VAV3: variants seen among roughly 807,000 people sequenced by gnomAD.
The protein encoded by VAV3 is guanine nucleotide exchange factor VAV3.
Under a neutral mutation model 131.2 loss-of-function variants are expected in VAV3, and 94 were observed. That is an observed-to-expected ratio of 0.72 (90% confidence interval 0.61 to 0.85). The LOEUF is 0.85. Ranked by LOEUF, VAV3 falls within the 40% of genes least tolerant of loss-of-function variation. The probability of loss-of-function intolerance (pLI) is 0.00; values close to 1 mark genes in which losing one functional copy is unlikely to be tolerated. For synonymous variants in VAV3, 349 were observed against 342.0 expected (o/e 1.02, Z -0.22); for missense variants, 939 against 1,002.7 (o/e 0.94, Z 0.86).
chr1:107,714,844 C>T (rs1490265483), intron 15 of VAV3, among the ~76,000 whole-genome samples: 1 of 152,102 alleles, frequency 6.6e-6, no homozygotes, highest in Non-Finnish European at 1.5e-5. Flanking sequence ...AAAATCAGAT[C>T]ATGCTTAGCT....
intron 1 of VAV3, among the ~76,000 whole-genome samples, chr1:107,946,719 A>G (rs1674279259): frequency 6.6e-6 from 1 of 152,252 alleles, no homozygotes; most frequent in Non-Finnish European, 1.5e-5. Context: ...TTTCACAACT[A>G]CATGCTATTC....
chr1:107,731,424 T>C (rs142287137), intron 15 of VAV3, among the ~76,000 whole-genome samples: 134 of 152,312 alleles, frequency 8.8e-4, no homozygotes, highest in African/African-American at 3.2e-3. Flanking sequence ...CATTTATTCA[T>C]AAAACAATAT....
chr1:107,826,322 T>G (rs1330923130), intron 2 of VAV3, among the ~76,000 whole-genome samples: 1 of 152,236 alleles, frequency 6.6e-6, no homozygotes, highest in South Asian at 2.1e-4. Flanking sequence ...TTGAAAATTC[T>G]TATTTAACTG....
intron 25 of VAV3, among the ~76,000 whole-genome samples, chr1:107,592,663 C>G (rs746436359): frequency 3.9e-5 from 6 of 151,992 alleles, no homozygotes; most frequent in Admixed American, 6.6e-5. Context: ...AGGAAAAAAC[C>G]TAAGATGCTA....
chr1:107,962,322 G>GTAGT (rs10628225), intron 1 of VAV3, among the ~76,000 whole-genome samples: 9,720 of 152,206 alleles, frequency 0.064, 447 homozygotes, highest in African/African-American at 0.13. Flanking sequence ...AAAGAGATGA[G>GTAGT]TAGTTAGCGG....
chr1:107,883,091 T>C (rs1223441504), intron 1 of VAV3, among the ~76,000 whole-genome samples: 2 of 152,202 alleles, frequency 1.3e-5, no homozygotes, highest in African/African-American at 4.8e-5. Context: ...ATTTTTTAAG[T>C]CATTCGTTCA....
chr1:107,699,907 C>T (rs1000365388), intron 17 of VAV3, among the ~76,000 whole-genome samples: 9 of 152,068 alleles, frequency 5.9e-5, no homozygotes, highest in Admixed American at 3.9e-4. Flanking sequence ...CATATAAGGG[C>T]GATTCCGGCT....
At chr1:107,858,198 T>G (rs1441061844) in intron 2 of VAV3, among the ~76,000 whole-genome samples, 2 of 152,122 alleles carry the variant, frequency 1.3e-5, no homozygotes, top group African/African-American at 2.4e-5. Flanking sequence ...ACAAGAAAAT[T>G]TCCTTGCTTT....
chr1:107,790,876 C>T (rs377708717), intron 2 of VAV3, among the ~76,000 whole-genome samples: 10 of 151,604 alleles, frequency 6.6e-5, no homozygotes, highest in South Asian at 2.1e-4. Context: ...TTACTAGAGA[C>T]GGGGTTTCAC....
At chr1:107,595,176 T>C (rs937568750) in intron 25 of VAV3, among the ~76,000 whole-genome samples, 4 of 152,156 alleles carry the variant, frequency 2.6e-5, no homozygotes, top group Non-Finnish European at 5.9e-5. Context: ...TCTACTTTCA[T>C]TGCACGAGCT....
chr1:107,598,844 A>T (rs1408306997), intron 24 of VAV3, among the ~76,000 whole-genome samples: 2 of 152,148 alleles, frequency 1.3e-5, no homozygotes, highest in Non-Finnish European at 1.5e-5. Flanking sequence ...TGTCACTGAT[A>T]CAAACGATAC....
chr1:107,886,475 T>C (rs1049051289), intron 1 of VAV3, among the ~76,000 whole-genome samples: 2 of 152,206 alleles, frequency 1.3e-5, no homozygotes, highest in Non-Finnish European at 2.9e-5. Flanking sequence ...TTGTGTTCCA[T>C]TCTAAGGAAT....
intron 1 of VAV3, among the ~76,000 whole-genome samples, chr1:107,957,548 T>C (rs1674877450): frequency 6.6e-6 from 1 of 152,084 alleles, no homozygotes; most frequent in African/African-American, 2.4e-5. Context: ...CATGAGATGC[T>C]ACAGGGAAGC....
intron 21 of VAV3, among the ~76,000 whole-genome samples, chr1:107,611,523 CTT>C (rs1177830914): frequency 6.6e-6 from 1 of 151,140 alleles, no homozygotes; most frequent in Non-Finnish European, 1.5e-5. Flanking sequence ...AATATTTCCT[CTT>C]TCCCTCTCCC....
intron 2 of VAV3, among the ~76,000 whole-genome samples, chr1:107,789,065 G>T (rs2102264897): frequency 6.6e-6 from 1 of 152,308 alleles, no homozygotes; most frequent in African/African-American, 2.4e-5. Flanking sequence ...AACTCCCTTT[G>T]AATGGACATG....
intron 15 of VAV3, among the ~76,000 whole-genome samples, chr1:107,714,526 T>C (rs892299566): frequency 2.0e-5 from 3 of 152,116 alleles, no homozygotes; most frequent in African/African-American, 2.4e-5. Context: ...CAGGATAAAA[T>C]CCAAGTATTT....
intron 2 of VAV3, among the ~76,000 whole-genome samples, chr1:107,801,309 C>A (rs1354086736): frequency 6.6e-6 from 1 of 152,030 alleles, no homozygotes; most frequent in East Asian, 1.9e-4. Context: ...TTTGGGGTTC[C>A]AGATAAAATT....
intron 15 of VAV3, among the ~76,000 whole-genome samples, chr1:107,744,440 C>T (rs999854705): frequency 9.2e-5 from 14 of 152,258 alleles, no homozygotes; most frequent in Admixed American, 7.2e-4. Context: ...GGGCCAAGGT[C>T]GGTCAGAAGA....
chr1:107,778,402 TA>T (rs1209785286), intron 3 of VAV3, among the ~76,000 whole-genome samples: 2 of 66,206 alleles, frequency 3.0e-5, no homozygotes, highest in African/African-American at 9.8e-5. Flanking sequence ...GATCATGCTT[TA>T]AAAAAATCTT....
Sources: allele counts gnomAD v4.1 joint callset (sites outside exome capture counted in the v4.1 genomes callset), GRCh38; gene constraint gnomAD v4.1.1; transcripts MANE v1.5; gene names NCBI Gene and HGNC (gene_info 2026-07-23, HGNC 2026-07-21).